The following PSD3 variants were observed in gnomAD, a reference collection of about 807,000 sequenced individuals.
PSD3 encodes the protein pleckstrin and Sec7 domain containing 3.
A neutral mutation model predicts 105.5 loss-of-function variants in PSD3; 49 were observed. The ratio of observed to expected loss-of-function variants is 0.46; its 90% CI spans 0.37 to 0.59. The LOEUF is 0.59. Ranked by LOEUF, PSD3 falls within the 20% of genes least tolerant of loss-of-function variation. The pLI is 0.00. For missense variants in PSD3, 1,561 were observed against 1,263.8 expected, an observed-to-expected ratio of 1.24 and a Z score of -3.57; for synonymous variants, 557 against 457.8, an observed-to-expected ratio of 1.22 and a Z score of -2.77.
At chr8:18,966,832 T>C (rs746818390) in intron 1 of PSD3, among the ~76,000 whole-genome samples, 2 of 152,130 alleles carry the variant, frequency 1.3e-5, no homozygotes, top group Non-Finnish European at 2.9e-5. Context: ...AAATGCAAAA[T>C]TGGCATAAAA....
chr8:19,059,695 T>A (rs1828832187), intron 1 of PSD3, among the ~76,000 whole-genome samples: 1 of 152,210 alleles, frequency 6.6e-6, no homozygotes, highest in South Asian at 2.1e-4. Flanking sequence ...CTTTAATCAT[T>A]CCCACAAGAA....
intron 1 of PSD3, among the ~76,000 whole-genome samples, chr8:19,076,678 T>G (rs1829471607): frequency 6.6e-6 from 1 of 152,200 alleles, no homozygotes; most frequent in African/African-American, 2.4e-5. Flanking sequence ...TCCAAAATGT[T>G]GTTTTTAAAT....
chr8:18,653,318 A>C (rs1372481395), intron 10 of PSD3, among the ~76,000 whole-genome samples: 6 of 152,160 alleles, frequency 3.9e-5, no homozygotes, highest in Non-Finnish European at 8.8e-5. Context: ...CAATGTATAA[A>C]AATGTAGTCT....
At chr8:18,767,731 G>C (rs1807139450) in intron 8 of PSD3, among the ~76,000 whole-genome samples, 1 of 151,358 alleles carries the variant, frequency 6.6e-6, no homozygotes, top group South Asian at 2.1e-4. Flanking sequence ...TGGGAAACAA[G>C]AGCAAGACTC....
intron 1 of PSD3, among the ~76,000 whole-genome samples, chr8:18,950,456 GAAAC>G (rs1283781530): frequency 2.0e-5 from 3 of 152,010 alleles, no homozygotes; most frequent in African/African-American, 4.8e-5. Flanking sequence ...GCTCAAAAAA[GAAAC>G]AAACAAGCAA....
chr8:18,756,283 G>T (rs1315696500), intron 9 of PSD3, among the ~76,000 whole-genome samples: 1 of 152,084 alleles, frequency 6.6e-6, no homozygotes, highest in East Asian at 1.9e-4. Context: ...ATATAACTCA[G>T]ATCAAGTATT....
intron 10 of PSD3, among the ~76,000 whole-genome samples, chr8:18,648,979 T>C (rs894443339): frequency 6.6e-6 from 1 of 152,206 alleles, no homozygotes; most frequent in African/African-American, 2.4e-5. Context: ...AGAGAATGTA[T>C]GGAAAAGCCT....
chr8:18,787,005 C>G (rs989527162), intron 8 of PSD3, among the ~76,000 whole-genome samples: 2 of 152,218 alleles, frequency 1.3e-5, no homozygotes, highest in Non-Finnish European at 2.9e-5. Flanking sequence ...CTCACGATGT[C>G]TGGATTTTTT....
chr8:18,808,405 T>A (rs1384821218), intron 4 of PSD3, among the ~76,000 whole-genome samples: 1 of 152,224 alleles, frequency 6.6e-6, no homozygotes, highest in Non-Finnish European at 1.5e-5. Flanking sequence ...AGAGGCTTAT[T>A]CTAATGAGAA....
intron 2 of PSD3, among the ~76,000 whole-genome samples, chr8:18,930,044 T>C (rs548780418): frequency 6.6e-6 from 1 of 152,224 alleles, no homozygotes; most frequent in South Asian, 2.1e-4. Flanking sequence ...CCAACACCTA[T>C]CTAATAGGAA....
At chr8:18,751,006 AGGTGGAGC>A (rs1420349516) in intron 9 of PSD3, among the ~76,000 whole-genome samples, 1 of 152,158 alleles carries the variant, frequency 6.6e-6, no homozygotes, top group Non-Finnish European at 1.5e-5. Context: ...CCGGGGCTGC[AGGTGGAGC>A]TGCCTGCCAG....
chr8:18,535,692 G>A lies in PSD3; in HGVS notation c.*51C>T. ...ATTCACGGATTACCAGAAAGATCTTGAAAAACCCTATTTTGCTCCATGACC... is the reference window on the plus strand; with the variant it reads ...ATTCACGGATTACCAGAAAGATCTTAAAAAACCCTATTTTGCTCCATGACC... On this transcript the variant is annotated 3_prime_UTR_variant, in exon 16 of 16. Coordinates refer to ENST00000327040, the MANE Select transcript of PSD3 (RefSeq NM_015310.4). 1 of 1,429,826 alleles carries A rather than the reference G, an allele frequency of 7.0e-7. No individual in the cohort carries two copies. Among genetic ancestry groups the A allele is most frequent in the Non-Finnish European group, 9.8e-7 (1 of 1,016,322 alleles). The allele number at this position is 1,429,826 out of a possible 1,614,324, so 88.6% of individuals were successfully genotyped here.
intron 9 of PSD3, among the ~76,000 whole-genome samples, chr8:18,752,278 CTG>C (rs1805555150): frequency 6.7e-6 from 1 of 149,894 alleles, no homozygotes; most frequent in African/African-American, 2.5e-5. Context: ...TTACGGAAAA[CTG>C]AAATTATTTC....
At chr8:18,644,581 A>G (rs1807889261) in intron 10 of PSD3, among the ~76,000 whole-genome samples, 1 of 152,142 alleles carries the variant, frequency 6.6e-6, no homozygotes, top group Non-Finnish European at 1.5e-5. Context: ...ATGATCACTT[A>G]AGTAATGTCT....
Position 18,531,384 on chromosome 8 carries a change from CA to C in PSD3, c.*4358del, listed in dbSNP as rs557936404. 20 of 152,730 alleles carry C rather than the reference CA, an allele frequency of 1.3e-4. No homozygotes were observed. In the South Asian group the frequency reaches 3.9e-3, roughly 30 times the overall value. The allele number at this position is 152,730 out of a possible 1,614,324, so 9.5% of individuals were successfully genotyped here. A position where few individuals can be genotyped will look rare whatever the true frequency, so the allele number is the denominator to read the frequency against. On this transcript the variant is annotated 3_prime_UTR_variant, in exon 16 of 16. Coordinates refer to ENST00000327040, the MANE Select transcript of PSD3 (RefSeq NM_015310.4). ...ACGTGGGTTCTGGATACTGTAGGTA[CA>C]AAAGGAGAATGCCTTTGGATTTCAG...
chr8:18,594,292 TATATATA>T lies in PSD3; in HGVS notation c.2481+6065_2481+6071del, dbSNP rs1169837826. ...ATTATATATATTATATAATATATAT[TATATATA>T]ATAATATATATTATTATATATAATA... On this transcript the variant is annotated intron_variant, in intron 12 of 15. Transcript: ENST00000327040. Among the ~76,000 whole-genome samples the T allele has an allele frequency of 1.6e-3, 24 of 14,546 alleles. 3 individuals carry two copies. The highest frequency in any genetic ancestry group is 4.2e-3 in the African/African-American group (24 of 5,782). The allele number at this position is 14,546 out of a possible 152,430, so 9.5% of individuals were successfully genotyped here.
intron 11 of PSD3, among the ~76,000 whole-genome samples, chr8:18,616,343 G>A (rs961655227): frequency 1.5e-4 from 23 of 152,212 alleles, no homozygotes; most frequent in African/African-American, 4.6e-4. Flanking sequence ...GCCTTTCAGA[G>A]GCCCTGCAAA....
chr8:18,851,868 G>T (rs1183189060), intron 4 of PSD3, among the ~76,000 whole-genome samples: 1 of 152,186 alleles, frequency 6.6e-6, no homozygotes, highest in Non-Finnish European at 1.5e-5. Context: ...GGGACCAATG[G>T]AACTTTTACC....
intron 1 of PSD3, among the ~76,000 whole-genome samples, chr8:19,026,585 C>A (rs942446286): frequency 6.6e-6 from 1 of 151,320 alleles, no homozygotes; most frequent in African/African-American, 2.4e-5. Context: ...CTAAAGGAGA[C>A]CAGGTGTGGT....
Sources: allele counts gnomAD v4.1 joint callset (sites outside exome capture counted in the v4.1 genomes callset), GRCh38; gene constraint gnomAD v4.1.1; transcripts MANE v1.5; gene names NCBI Gene and HGNC (gene_info 2026-07-23, HGNC 2026-07-21).